The following CRACD variants were observed in gnomAD, a reference collection of about 807,000 sequenced individuals.
The protein encoded by CRACD is capping protein inhibiting regulator of actin dynamics, also known as capping protein-inhibiting regulator of actin dynamics.
A neutral mutation model predicts 106.8 loss-of-function variants in CRACD; 56 were observed. That is an observed-to-expected ratio of 0.52 (90% CI 0.42 to 0.66). The LOEUF (loss-of-function observed/expected upper bound fraction) is 0.66. Among genes scored for constraint, CRACD ranks in the 30% least tolerant of loss-of-function variants. CRACD has a pLI of 0.00. For synonymous variants in CRACD, 754 were observed against 670.8 expected, an observed-to-expected ratio of 1.12 and a Z score of -1.92; for missense variants, 1,730 against 1,623.2, an observed-to-expected ratio of 1.07 and a Z score of -1.13.
chr4:56,249,703 A>G (rs2109585015), intron 2 of CRACD, among the ~76,000 whole-genome samples: 1 of 152,280 alleles, frequency 6.6e-6, no homozygotes, highest in East Asian at 1.9e-4. Context: ...GAGCCTATCT[A>G]TTAGCTCTTT....
chr4:56,329,445 T>A lies in CRACD; in HGVS notation c.*1641T>A, dbSNP rs1746667960. ...AGGATGATGGCAAAGTTATTTACCATGTAGAAACCATTTTCTTTCTAGAAA... is the reference window on the plus strand; with the variant it reads ...AGGATGATGGCAAAGTTATTTACCAAGTAGAAACCATTTTCTTTCTAGAAA... On this transcript the variant is annotated 3_prime_UTR_variant, in exon 11 of 11. Coordinates refer to ENST00000682029, the MANE Select transcript of CRACD (RefSeq NM_001393381.1). Among the ~76,000 whole-genome samples, 1 of 152,228 alleles carries A rather than the reference T, an allele frequency of 6.6e-6. No homozygotes were observed. The highest frequency in any genetic ancestry group is 2.4e-5 in the African/African-American group (1 of 41,458).
At chr4:56,178,788 G>A (rs1454202024) in intron 1 of CRACD, among the ~76,000 whole-genome samples, 1 of 152,110 alleles carries the variant, frequency 6.6e-6, no homozygotes, top group Non-Finnish European at 1.5e-5. Flanking sequence ...ATTACATCCT[G>A]GTTTTCATTC....
chr4:56,119,458 G>A (rs150606103), intron 1 of CRACD, among the ~76,000 whole-genome samples: 2 of 151,750 alleles, frequency 1.3e-5, no homozygotes, highest in African/African-American at 4.8e-5. Context: ...AGACTCCCAA[G>A]TAGCTGGGAC....
At chr4:56,307,485 T>C (rs1251290946) in intron 4 of CRACD, 50 bp from the exon 5 acceptor site, 8 of 1,596,028 alleles carry the variant, frequency 5.0e-6, no homozygotes, top group Non-Finnish European at 6.8e-6. Context: ...GTTGTGGTGG[T>C]TGTGAACTGC....
intron 3 of CRACD, among the ~76,000 whole-genome samples, chr4:56,275,127 T>C (rs1742604348): frequency 6.6e-6 from 1 of 152,050 alleles, no homozygotes; most frequent in South Asian, 2.1e-4. Context: ...TGGAATCTAC[T>C]TGAGTGTGGA....
chr4:56,189,283 G>A (rs1391918989), intron 2 of CRACD, among the ~76,000 whole-genome samples: 1 of 151,904 alleles, frequency 6.6e-6, no homozygotes, highest in East Asian at 1.9e-4. Context: ...AAGAATGTCT[G>A]CCTCTCTTCC....
At chr4:56,254,915 C>T (rs1172321307) in intron 2 of CRACD, among the ~76,000 whole-genome samples, 2 of 151,622 alleles carry the variant, frequency 1.3e-5, no homozygotes, top group Non-Finnish European at 2.9e-5. Flanking sequence ...ACCAGCCTGG[C>T]CAACATGGTG....
intron 2 of CRACD, among the ~76,000 whole-genome samples, chr4:56,241,253 G>A (rs1383257785): frequency 1.3e-5 from 2 of 151,998 alleles, no homozygotes; most frequent in African/African-American, 2.4e-5. Context: ...CAACCAAAGG[G>A]TCTTGAGTAA....
intron 2 of CRACD, among the ~76,000 whole-genome samples, chr4:56,247,564 A>G (rs1740752972): frequency 6.6e-6 from 1 of 152,096 alleles, no homozygotes; most frequent in Admixed American, 6.6e-5. Flanking sequence ...TCCTGTTGTG[A>G]GCTGGGCACG....
At chr4:56,284,790 A>G (rs182784803) in intron 3 of CRACD, among the ~76,000 whole-genome samples, 76 of 152,244 alleles carry the variant, frequency 5.0e-4, no homozygotes, top group African/African-American at 1.5e-3. Flanking sequence ...AAGCACTTTT[A>G]TTTTCTCTCT....
intron 1 of CRACD, among the ~76,000 whole-genome samples, chr4:56,158,370 G>A (rs1398310173): frequency 1.3e-5 from 2 of 152,060 alleles, no homozygotes. Flanking sequence ...AGAAAATGCT[G>A]TAAATAAATT....
At chr4:56,136,016 A>T (rs1027284352) in intron 1 of CRACD, among the ~76,000 whole-genome samples, 14 of 151,772 alleles carry the variant, frequency 9.2e-5, no homozygotes, top group Non-Finnish European at 1.9e-4. Context: ...GTTATACAGT[A>T]TGTACTCTTT....
intron 2 of CRACD, among the ~76,000 whole-genome samples, chr4:56,198,985 G>T (rs984867555): frequency 6.6e-6 from 1 of 151,978 alleles, no homozygotes; most frequent in Non-Finnish European, 1.5e-5. Flanking sequence ...CAGCTTCTGG[G>T]TTTTTGTTTA....
intron 2 of CRACD, among the ~76,000 whole-genome samples, chr4:56,218,457 C>T (rs1157453254): frequency 2.3e-5 from 3 of 132,086 alleles, no homozygotes; most frequent in African/African-American, 9.4e-5. Flanking sequence ...CCTCCCTTTC[C>T]TTCCCCTGCC....
chr4:56,247,674 C>T (rs963478846), intron 2 of CRACD, among the ~76,000 whole-genome samples: 1 of 152,054 alleles, frequency 6.6e-6, no homozygotes, highest in Non-Finnish European at 1.5e-5. Context: ...GGCAAAACCC[C>T]GTCTCTACAA....
rs191187955 is a variant in CRACD, at chr4:56,133,623, G to A, written c.-335-45661G>A. ...ACAAGAAGTGAATGTCTTTCTTGTC[G>A]AACCTACAATCTGCATGAAAACAAA... is the stretch of plus-strand genomic sequence containing the variant. On this transcript the variant is annotated intron_variant, in intron 1 of 10. Coordinates refer to ENST00000682029, the MANE Select transcript of CRACD (RefSeq NM_001393381.1). Among the ~76,000 whole-genome samples, 6 of 152,220 alleles carry A rather than the reference G, an allele frequency of 3.9e-5. No homozygotes were observed. In the East Asian group the frequency reaches 7.7e-4, roughly 20 times the overall value.
intron 8 of CRACD, among the ~76,000 whole-genome samples, chr4:56,318,012 A>G (rs1221478304): frequency 2.0e-5 from 3 of 151,966 alleles, no homozygotes; most frequent in African/African-American, 7.3e-5. Flanking sequence ...TTGTCCCCTG[A>G]GGTTTTCTTA....
chr4:56,138,952 T>A (rs1197353473), intron 1 of CRACD, among the ~76,000 whole-genome samples: 1 of 152,254 alleles, frequency 6.6e-6, no homozygotes, highest in Non-Finnish European at 1.5e-5. Flanking sequence ...CCAATAAGTA[T>A]AACTTTAGTA....
At chr4:56,188,699 C>T (rs1737208875) in intron 2 of CRACD, among the ~76,000 whole-genome samples, 1 of 141,486 alleles carries the variant, frequency 7.1e-6, no homozygotes, top group Non-Finnish European at 1.5e-5. Context: ...CACACACACA[C>T]ACACACACAC....
Sources: allele counts gnomAD v4.1 joint callset (sites outside exome capture counted in the v4.1 genomes callset), GRCh38; gene constraint gnomAD v4.1.1; transcripts MANE v1.5; gene names NCBI Gene and HGNC (gene_info 2026-07-23, HGNC 2026-07-21).